The following PFKFB2 variants were observed in gnomAD, a reference collection of about 807,000 sequenced individuals.
The protein encoded by PFKFB2 is 6-phosphofructo-2-kinase/fructose-2,6-bisphosphatase 2.
In PFKFB2, 53 loss-of-function variants were observed where a neutral mutation model predicts 68.0. The observed-to-expected ratio is 0.78, with a 90% CI of 0.63 to 0.98. PFKFB2 has a LOEUF of 0.98. Among genes scored for constraint, PFKFB2 ranks in the 50% least tolerant of loss-of-function variants. PFKFB2 has a pLI of 0.00. For synonymous variants in PFKFB2, 222 were observed against 227.6 expected, an observed-to-expected ratio of 0.98 and a Z score of 0.22; for missense variants, 451 against 642.0, an observed-to-expected ratio of 0.70 and a Z score of 3.22.
At chr1:207,042,828 T>G (rs969190264) in intron 2 of PFKFB2, among the ~76,000 whole-genome samples, 1 of 152,188 alleles carries the variant, frequency 6.6e-6, no homozygotes, top group Non-Finnish European at 1.5e-5. Flanking sequence ...TTGAGATTTT[T>G]GAATTGTCAT....
At chr1:207,056,235 T>C (rs1682917884) in intron 2 of PFKFB2, among the ~76,000 whole-genome samples, 1 of 152,114 alleles carries the variant, frequency 6.6e-6, no homozygotes. Context: ...GTTGTATTTA[T>C]TCCTGAAATG....
In PFKFB2 at chr1:207,075,572, C is replaced by T; in HGVS notation, c.*3201C>T. The T allele has an allele frequency of 9.1e-6, 9 of 985,300 alleles. No homozygotes were observed. Among genetic ancestry groups the T allele is most frequent in the Non-Finnish European group, 1.1e-5 (9 of 829,820 alleles). The allele number at this position is 985,300 out of a possible 1,614,324, so 61.0% of individuals were successfully genotyped here. ...AAATAAAAATGGACTTAAAAGTACT[C>T]TCTGCTGAGGCTGTAAGTTTTGTTT... On this transcript the variant is annotated 3_prime_UTR_variant, in exon 15 of 15. Coordinates refer to ENST00000367080, the MANE Select transcript of PFKFB2 (RefSeq NM_006212.2).
intron 2 of PFKFB2, chr1:207,042,287 G>A (rs1226338359): frequency 2.0e-5 from 3 of 152,104 alleles, no homozygotes; most frequent in African/African-American, 4.8e-5. Context: ...AGTGGCTCAC[G>A]TCTGTAATTC....
At chr1:207,049,066 C>G, upstream of PFKFB2, 1 of 1,613,974 alleles carries the variant, frequency 6.2e-7, no homozygotes, top group Non-Finnish European at 8.5e-7. Context: ...GGCATGTTCC[C>G]TTGCTTCTGC....
intron 7 of PFKFB2, among the ~76,000 whole-genome samples, 163 bp from the exon 8 acceptor site, chr1:207,064,873 G>T (rs1181983403): frequency 6.6e-6 from 1 of 151,984 alleles, no homozygotes; most frequent in African/African-American, 2.4e-5. Context: ...GTCACAGGAC[G>T]GGGCGGGGCG....
rs1683431293 is a variant in PFKFB2, at chr1:207,070,377, G to C, written c.1190G>C (p.Cys397Ser). ...ATCTCCCACCAGGCTGTCATGCGCT[G>C]CCTCCTGGCCTACTTCTTGGATAAG... is the stretch of plus-strand genomic sequence containing the variant. ...LVISHQAVMRCLLAYFLDKGA... is the reference protein window; with the variant it reads ...LVISHQAVMRSLLAYFLDKGA... The change falls in exon 12 of 15, where the codon TGC (cysteine) becomes TCC (serine). Residue 397 changes from cysteine to serine, a missense_variant. Cys to Ser is a moderately radical substitution (Grantham distance 112). Coordinates refer to ENST00000367080, the MANE Select transcript of PFKFB2 (RefSeq NM_006212.2). The surrounding 1 kb of genome is among the most constrained non-coding windows in gnomAD (Gnocchi z 4.2). 6.2e-7 allele frequency: 1 copy of C among 1,613,990 alleles called. No individual in the cohort carries two copies. The highest frequency in any genetic ancestry group is 2.2e-5 in the East Asian group (1 of 44,878).
Position 207,076,138 on chromosome 1 carries a change from G to C in PFKFB2, c.*3767G>C. On this transcript the variant is annotated 3_prime_UTR_variant, in exon 15 of 15. Coordinates refer to ENST00000367080, the MANE Select transcript of PFKFB2 (RefSeq NM_006212.2). Reference sequence around the variant, plus strand: ...CTGAATGGGTGAGTATTCCATATGAGGATCTGGGTAATCCTCTTTGCAACC... The same window carrying C: ...CTGAATGGGTGAGTATTCCATATGACGATCTGGGTAATCCTCTTTGCAACC... 6 of 985,368 alleles carry C rather than the reference G, an allele frequency of 6.1e-6. No homozygotes were observed. Among genetic ancestry groups the C allele is most frequent in the Non-Finnish European group, 6.0e-6 (5 of 829,880 alleles). The allele number at this position is 985,368 out of a possible 1,614,324, so 61.0% of individuals were successfully genotyped here.
upstream of PFKFB2, chr1:207,049,247 T>C: frequency 1.2e-6 from 2 of 1,614,122 alleles, no homozygotes; most frequent in South Asian, 1.1e-5. Context: ...TCAGGGAAGT[T>C]ACGCTGAAGT....
chr1:207,071,219 T>C lies in PFKFB2; in HGVS notation c.1254T>C (p.His418=). ...DELPYLRCPL[H]TIFKLTPVAY... ...TACCATACTTGAGATGCCCTCTCCA[T>C]ACCATCTTCAAACTTACTCCTGTGG... Residue 418 remains histidine (H), a synonymous_variant, in exon 13 of 15, where the codon CAT becomes CAC. Transcript: ENST00000367080. The C allele has an allele frequency of 1.2e-6, 2 of 1,613,916 alleles. No individual in the cohort carries two copies. Among genetic ancestry groups the C allele is most frequent in the Non-Finnish European group, 1.7e-6 (2 of 1,179,756 alleles).
chr1:207,069,490 G>A lies in PFKFB2; in HGVS notation c.1054G>A (p.Asp352Asn), dbSNP rs1204977075. ...KRYPEEFALR[D>N]QEKYLYRYPG... ...GTACCCAGAAGAGTTTGCACTTCGAGATCAAGAGAAGTATCTGTATCGATA... is the reference window on the plus strand; with the variant it reads ...GTACCCAGAAGAGTTTGCACTTCGAAATCAAGAGAAGTATCTGTATCGATA... The change falls in exon 11 of 15, where the codon GAT becomes AAT. Residue 352 changes from aspartate (D) to asparagine (N), a missense_variant. By Grantham distance (23) the Asp-to-Asn change is conservative (BLOSUM62 1). Transcript: ENST00000367080. 2 of 1,613,628 alleles carry A rather than the reference G, an allele frequency of 1.2e-6. No homozygotes were observed. Among genetic ancestry groups the A allele is most frequent in the Admixed American group, 1.7e-5 (1 of 60,004 alleles).
At chr1:207,069,365 G>A in intron 10 of PFKFB2, 59 bp from the exon 11 acceptor site, 1 of 1,109,632 alleles carries the variant, frequency 9.0e-7, no homozygotes, top group Non-Finnish European at 1.4e-6. Flanking sequence ...CCTTATTTGG[G>A]ATGGGGCTGG....
chr1:207,059,169 TTTG>T (rs991477251), intron 2 of PFKFB2, among the ~76,000 whole-genome samples: 5 of 152,264 alleles, frequency 3.3e-5, no homozygotes, highest in South Asian at 4.1e-4. Flanking sequence ...GATGCAGTTT[TTTG>T]TTGTTGTTGT....
In PFKFB2 at chr1:207,077,159, T is replaced by G. The variant is rs1451832910; in HGVS notation, c.*4788T>G. 1.0e-6 allele frequency: 1 copy of G among 983,968 alleles called. No individual in the cohort carries two copies. Among genetic ancestry groups the G allele is most frequent in the Non-Finnish European group, 1.2e-6 (1 of 829,900 alleles). The allele number at this position is 983,968 out of a possible 1,614,324, so 61.0% of individuals were successfully genotyped here. On this transcript the variant is annotated 3_prime_UTR_variant, in exon 15 of 15. Transcript: ENST00000367080. ...AGTCATCTCATCCAGTCCCCTGCTT[T>G]AGGGCAGGACTTCAGTTCCACTGTT...
chr1:207,078,767 A>G (rs1683693871), downstream of PFKFB2, among the ~76,000 whole-genome samples: 1 of 152,178 alleles, frequency 6.6e-6, no homozygotes, highest in Non-Finnish European at 1.5e-5. Flanking sequence ...AAAGAAGACC[A>G]TGACTACGCC....
chr1:207,075,953 A>AT lies in PFKFB2; in HGVS notation c.*3582_*3583insT. Reference sequence around the variant, plus strand: ...TTGTTTTGGTAAAGGGATGATTTTTACATTGAGTTTTAAAGTAGAATAAGA... The same window carrying AT: ...TTGTTTTGGTAAAGGGATGATTTTTATCATTGAGTTTTAAAGTAGAATAAGA... On this transcript the variant is annotated 3_prime_UTR_variant, in exon 15 of 15. Coordinates refer to ENST00000367080, the MANE Select transcript of PFKFB2 (RefSeq NM_006212.2). 1 of 985,322 alleles carries AT rather than the reference A, an allele frequency of 1.0e-6. No homozygotes were observed. The highest frequency in any genetic ancestry group is 1.2e-6 in the Non-Finnish European group (1 of 829,810). The allele number at this position is 985,322 out of a possible 1,614,324, so 61.0% of individuals were successfully genotyped here.
chr1:207,048,457 G>A (rs1183483909), upstream of PFKFB2: 2 of 154,062 alleles, frequency 1.3e-5, no homozygotes, highest in South Asian at 4.1e-4. Flanking sequence ...TTCATTTGAT[G>A]AATCAATTCA....
intron 8 of PFKFB2, among the ~76,000 whole-genome samples, chr1:207,067,112 G>A (rs985978566): frequency 2.6e-5 from 4 of 152,182 alleles, no homozygotes; most frequent in Non-Finnish European, 4.4e-5. Flanking sequence ...GTTGCTCGTC[G>A]TGCCATATTC....
At chr1:207,041,853 T>C (rs1335886634) in intron 1 of PFKFB2, among the ~76,000 whole-genome samples, 1 of 152,222 alleles carries the variant, frequency 6.6e-6, no homozygotes, top group Non-Finnish European at 1.5e-5. Flanking sequence ...CCACCAACAG[T>C]GTAACACGTG....
chr1:207,065,955 A>T (rs1683275559), intron 8 of PFKFB2, among the ~76,000 whole-genome samples: 1 of 152,218 alleles, frequency 6.6e-6, no homozygotes, highest in South Asian at 2.1e-4. Flanking sequence ...GAGATGTGTC[A>T]TCAGTTTTTA....
Sources: gnomAD v4.1 joint callset for allele counts (sites outside exome capture counted in the v4.1 genomes callset) on GRCh38, gnomAD v4.1.1 for gene constraint, Gnocchi (gnomAD v3.1) non-coding constraint, MANE v1.5 for transcripts, NCBI Gene and HGNC (gene_info 2026-07-23, HGNC 2026-07-21) for gene names.